Variants in FGD4 observed in about 807,000 individuals in gnomAD.
FGD4 encodes the protein FYVE, RhoGEF and PH domain containing 4.
Under a neutral mutation model 102.0 loss-of-function variants are expected in FGD4, and 42 were observed. The ratio of observed to expected loss-of-function variants is 0.41; its 90% confidence interval spans 0.32 to 0.53. The LOEUF is 0.53. Among genes scored for constraint, FGD4 ranks in the 20% least tolerant of loss-of-function variants. The pLI, the probability that FGD4 is intolerant of heterozygous loss-of-function variation, is 0.21. For synonymous variants in FGD4, 380 were observed against 375.7 expected, an observed-to-expected ratio of 1.01 and a Z score of -0.13; for missense variants, 902 against 1,078.2, an observed-to-expected ratio of 0.84 and a Z score of 2.29.
chr12:32,533,489 A>T (rs1311691713), intron 1 of FGD4, among the ~76,000 whole-genome samples: 1 of 152,138 alleles, frequency 6.6e-6, no homozygotes, highest in Non-Finnish European at 1.5e-5. Flanking sequence ...GCAGCGGCGC[A>T]ATCTCAGCTC....
chr12:32,470,645 G>A (rs567334680), intron 1 of FGD4, among the ~76,000 whole-genome samples: 1 of 151,748 alleles, frequency 6.6e-6, no homozygotes, highest in East Asian at 1.9e-4. Flanking sequence ...GTAGAGAGAG[G>A]GTTTTTCCAT....
chr12:32,574,685 C>T (rs1945988934), intron 2 of FGD4: 1 of 151,984 alleles, frequency 6.6e-6, no homozygotes, highest in South Asian at 2.1e-4. Context: ...CATTTCTTTC[C>T]TTCCCTATAA....
chr12:32,442,561 C>CT (rs35994170), intron 1 of FGD4, among the ~76,000 whole-genome samples: 58,530 of 107,128 alleles, frequency 0.55, 17,950 homozygotes, highest in African/African-American at 0.77. Context: ...ATCTTTCATC[C>CT]TTTTTTTTTT....
chr12:32,412,457 C>T (rs1382085981), intron 1 of FGD4, among the ~76,000 whole-genome samples: 1 of 152,022 alleles, frequency 6.6e-6, no homozygotes, highest in African/African-American at 2.4e-5. Flanking sequence ...GGTGGAAATT[C>T]CTTGCGCTCC....
intron 1 of FGD4, among the ~76,000 whole-genome samples, chr12:32,525,258 G>A (rs139676019): frequency 6.6e-6 from 1 of 152,296 alleles, no homozygotes; most frequent in Admixed American, 6.5e-5. Context: ...ATTTTCTGAG[G>A]TGTAAAGTGC....
chr12:32,607,687 G>C (rs1948869406), intron 7 of FGD4, among the ~76,000 whole-genome samples: 1 of 152,162 alleles, frequency 6.6e-6, no homozygotes, highest in African/African-American at 2.4e-5. Context: ...GCTAATTTTT[G>C]TATTTTTAGT....
chr12:32,564,056 G>A (rs1944972134), intron 1 of FGD4, 81 bp from the exon 2 acceptor site: 3 of 1,341,558 alleles, frequency 2.2e-6, no homozygotes, highest in Non-Finnish European at 3.0e-6. Context: ...AGAGGGAGTG[G>A]GAGAGGGGAA....
intron 1 of FGD4, among the ~76,000 whole-genome samples, chr12:32,555,167 A>G (rs1183262224): frequency 6.6e-6 from 1 of 152,162 alleles, no homozygotes; most frequent in Non-Finnish European, 1.5e-5. Context: ...AAAATCTGGA[A>G]ATATTTTGAA....
chr12:32,445,864 T>C (rs756743017), intron 1 of FGD4, among the ~76,000 whole-genome samples: 2 of 152,194 alleles, frequency 1.3e-5, no homozygotes, highest in Non-Finnish European at 2.9e-5. Context: ...CATTTGTAGC[T>C]AATTTAAAAA....
At position 32,638,778 on chromosome 12, in the gene FGD4, A is replaced by G; in HGVS notation, c.2437A>G (p.Met813Val). 1 of 1,614,120 alleles carries G rather than the reference A, an allele frequency of 6.2e-7. No individual in the cohort carries two copies. The highest frequency in any genetic ancestry group is 1.6e-4 in the Middle Eastern group (1 of 6,062). ...CAAGCAAGACCCTCTTGTGCTGTAC[A>G]TGTATGGTGCCCCCCAGGTATCTAA... ...IPKQDPLVLY[M>V]YGAPQDVRAQ... The change falls in exon 16 of 17, where the codon ATG becomes GTG. Residue 813 changes from methionine to valine, a missense_variant. Met to Val is a conservative substitution (Grantham distance 21, BLOSUM62 1). This residue lies in a region of FGD4 where 459 missense variants were observed against 619.0 expected (regional missense o/e 0.74). Coordinates refer to ENST00000534526, the MANE Select transcript of FGD4 (RefSeq NM_001370298.3).
chr12:32,602,549 A>T (rs1159901868), intron 7 of FGD4, among the ~76,000 whole-genome samples: 2 of 152,220 alleles, frequency 1.3e-5, no homozygotes, highest in African/African-American at 4.8e-5. Context: ...GATGATTTTT[A>T]TTAGGGTCTA....
chr12:32,532,500 C>A (rs1941898327), intron 1 of FGD4, among the ~76,000 whole-genome samples: 1 of 151,644 alleles, frequency 6.6e-6, no homozygotes, highest in Non-Finnish European at 1.5e-5. Context: ...TATTACCCTG[C>A]AATAAGGACT....
chr12:32,601,936 A>G (rs1376977646), intron 6 of FGD4, among the ~76,000 whole-genome samples: 1 of 151,912 alleles, frequency 6.6e-6, no homozygotes, highest in Non-Finnish European at 1.5e-5. Flanking sequence ...GTGACACACT[A>G]TCTCTACAAA....
chr12:32,529,576 AGCTCACG>A (rs1941593975), intron 1 of FGD4, among the ~76,000 whole-genome samples: 1 of 151,342 alleles, frequency 6.6e-6, no homozygotes, highest in Non-Finnish European at 1.5e-5. Flanking sequence ...CGGGCACGGT[AGCTCACG>A]CCTGTAATCC....
chr12:32,556,590 C>T (rs888421253), intron 1 of FGD4, among the ~76,000 whole-genome samples: 1 of 152,132 alleles, frequency 6.6e-6, no homozygotes, highest in African/African-American at 2.4e-5. Context: ...GGCGCAGTGG[C>T]TCACACCTGT....
intron 11 of FGD4, among the ~76,000 whole-genome samples, chr12:32,623,796 A>G (rs1949990634): frequency 6.6e-6 from 1 of 152,234 alleles, no homozygotes; most frequent in East Asian, 1.9e-4. Context: ...CTACAGTCAA[A>G]GAAATTTGTT....
chr12:32,549,715 G>C (rs1283347946), intron 1 of FGD4, among the ~76,000 whole-genome samples: 1 of 152,202 alleles, frequency 6.6e-6, no homozygotes, highest in Non-Finnish European at 1.5e-5. Flanking sequence ...AGGGACGGCT[G>C]AGGCCAGTGA....
At chr12:32,628,730 G>T (rs1424750733) in intron 14 of FGD4, among the ~76,000 whole-genome samples, 1 of 152,138 alleles carries the variant, frequency 6.6e-6, no homozygotes, top group Admixed American at 6.5e-5. Context: ...AGGTTGTGAT[G>T]AGCCGAGATT....
chr12:32,616,440 G>A (rs1423167001), intron 10 of FGD4, among the ~76,000 whole-genome samples: 1 of 152,166 alleles, frequency 6.6e-6, no homozygotes, highest in Admixed American at 6.5e-5. Flanking sequence ...TTTTAGGAGA[G>A]CCACATTTAT....
Sources: allele counts gnomAD v4.1 joint callset (sites outside exome capture counted in the v4.1 genomes callset), GRCh38; gene constraint gnomAD v4.1.1; regional missense constraint gnomAD v4.1.1; transcripts MANE v1.5; gene names NCBI Gene and HGNC (gene_info 2026-07-23, HGNC 2026-07-21).